EEPD1: variants seen among roughly 807,000 people sequenced by gnomAD.
EEPD1 encodes endonuclease/exonuclease/phosphatase family domain containing 1, also known as endonuclease/exonuclease/phosphatase family domain-containing protein 1.
In EEPD1, 17 loss-of-function variants were observed where a neutral mutation model predicts 46.3. That is an observed-to-expected ratio of 0.37 (90% CI 0.25 to 0.55). The LOEUF is 0.55. Ranked by LOEUF, EEPD1 falls within the 20% of genes least tolerant of loss-of-function variation. The pLI is 0.83. For missense variants in EEPD1, 673 were observed against 745.6 expected, an observed-to-expected ratio of 0.90 and a Z score of 1.13; for synonymous variants, 313 against 315.6, an observed-to-expected ratio of 0.99 and a Z score of 0.09.
At chr7:36,219,806 A>ATTGTGT (rs1786111669) in intron 2 of EEPD1, among the ~76,000 whole-genome samples, 1 of 75,400 alleles carries the variant, frequency 1.3e-5, no homozygotes, top group African/African-American at 4.6e-5. Flanking sequence ...AGAGAGAGAG[A>ATTGTGT]GTGTGTGTGT....
At chr7:36,251,705 G>A (rs1786741785) in intron 3 of EEPD1, among the ~76,000 whole-genome samples, 1 of 152,126 alleles carries the variant, frequency 6.6e-6, no homozygotes, top group South Asian at 2.1e-4. Context: ...CCTGGCCCCT[G>A]TCCCAGTTCA....
chr7:36,226,749 A>G (rs1324755599), intron 2 of EEPD1, among the ~76,000 whole-genome samples: 1 of 152,216 alleles, frequency 6.6e-6, no homozygotes, highest in Non-Finnish European at 1.5e-5. Flanking sequence ...CAAGAGGTCA[A>G]CACTACAACT....
chr7:36,280,619 G>T (rs1200370748), intron 3 of EEPD1, among the ~76,000 whole-genome samples: 3 of 152,190 alleles, frequency 2.0e-5, no homozygotes, highest in Admixed American at 1.3e-4. Flanking sequence ...GCAGCTCTCC[G>T]CAGCAAGAGG....
chr7:36,271,721 A>G lies in EEPD1; in HGVS notation c.931-9394A>G, dbSNP rs111851635. ...CCTGAATGGTATTGCCTAGGTTTTC[A>G]TGGTTTTAGGTTTTACATTTAAGTC... On this transcript the variant is annotated intron_variant, in intron 3 of 7. Transcript: ENST00000242108. 1.1e-4 allele frequency among the ~76,000 whole-genome samples: 2 copies of G among 18,296 alleles called. 1 individual carries two copies. Among genetic ancestry groups the G allele is most frequent in the Admixed American group, 9.3e-4 (2 of 2,146 alleles). 12.0% of individuals were successfully genotyped at this position (18,296 alleles called of 152,430 possible). A position where few individuals can be genotyped will look rare whatever the true frequency, so the allele number is the denominator to read the frequency against.
intron 2 of EEPD1, among the ~76,000 whole-genome samples, chr7:36,184,721 T>G (rs1833180): frequency 6.6e-6 from 1 of 151,914 alleles, no homozygotes; most frequent in Admixed American, 6.5e-5. Flanking sequence ...AATATAAGGA[T>G]TTTTTTTTAA....
intron 3 of EEPD1, among the ~76,000 whole-genome samples, chr7:36,249,472 T>A (rs1220168442): frequency 6.6e-6 from 1 of 152,152 alleles, no homozygotes; most frequent in East Asian, 1.9e-4. Flanking sequence ...CGCTATGGCA[T>A]GCTTTATAAC....
intron 6 of EEPD1, among the ~76,000 whole-genome samples, chr7:36,289,786 G>A (rs775163609): frequency 4.6e-5 from 7 of 152,188 alleles, no homozygotes; most frequent in East Asian, 1.9e-4. Flanking sequence ...GAGCCACAGC[G>A]CCTGGCCAGA....
At chr7:36,213,025 C>G (rs562963863) in intron 2 of EEPD1, among the ~76,000 whole-genome samples, 1 of 152,084 alleles carries the variant, frequency 6.6e-6, no homozygotes, top group Non-Finnish European at 1.5e-5. Flanking sequence ...TGGTGGCATA[C>G]GCCTGTAATC....
At chr7:36,159,431 A>G (rs1271321887) in intron 2 of EEPD1, among the ~76,000 whole-genome samples, 1 of 152,230 alleles carries the variant, frequency 6.6e-6, no homozygotes, top group East Asian at 1.9e-4. Context: ...CAATCCTCTT[A>G]AAGTAGAAAT....
intron 3 of EEPD1, among the ~76,000 whole-genome samples, chr7:36,264,045 G>A (rs1318322156): frequency 1.3e-5 from 2 of 152,102 alleles, no homozygotes; most frequent in Admixed American, 1.3e-4. Flanking sequence ...TGTTTGTGGG[G>A]GAGAGACTTT....
At chr7:36,232,451 G>A (rs979301801) in intron 2 of EEPD1, among the ~76,000 whole-genome samples, 8 of 151,778 alleles carry the variant, frequency 5.3e-5, no homozygotes, top group Non-Finnish European at 8.8e-5. Context: ...TGATCCACCC[G>A]CCTCGGCCTC....
intron 2 of EEPD1, among the ~76,000 whole-genome samples, chr7:36,202,424 G>T (rs1323953684): frequency 6.6e-6 from 1 of 152,082 alleles, no homozygotes; most frequent in African/African-American, 2.4e-5. Flanking sequence ...GCTAGCCGGG[G>T]TGAAGCATGC....
Position 36,154,818 on chromosome 7 carries a change from G to A in EEPD1, c.494G>A (p.Arg165His), listed in dbSNP as rs1198940132. The change falls in exon 2 of 8, where the codon CGC becomes CAC. Residue 165 changes from arginine (R) to histidine (H), a missense_variant. Arg to His is a conservative substitution (Grantham distance 29). Transcript: ENST00000242108. The surrounding 1 kb of genome is among the most constrained non-coding windows in gnomAD (Gnocchi z 4.2). ...ATGGCCCTCAGCATCGTGGACTTCC[G>A]CCGTGAGCATGGGCCCTTTCGCAGC... The part of the protein sequence containing the change: ...EKMALSIVDF[R>H]REHGPFRSVE... 1 of 1,614,186 alleles carries A rather than the reference G, an allele frequency of 6.2e-7. No homozygotes were observed.
rs145983788 is a variant in EEPD1 at position 36,240,550 on chromosome 7, T to C, written c.930+1514T>C. On this transcript the variant is annotated intron_variant, in intron 3 of 7. Transcript: ENST00000242108. ...CTCATTATTAATTCTTAATTACTTA[T>C]ATTAATTCTTAATATGCATTCAGCC... 4.6e-5 allele frequency among the ~76,000 whole-genome samples: 7 copies of C among 152,356 alleles called. No individual in the cohort carries two copies. In the East Asian group the frequency reaches 1.3e-3, roughly 29 times the overall value.
In EEPD1 at chr7:36,299,278, G is replaced by A. The variant is rs751889591; in HGVS notation, c.*72G>A. The A allele has an allele frequency of 1.6e-4, 237 of 1,503,710 alleles. No individual in the cohort carries two copies. Among genetic ancestry groups the A allele is most frequent in the African/African-American group, 8.4e-4 (61 of 72,302 alleles). The allele number at this position is 1,503,710 out of a possible 1,614,324, so 93.1% of individuals were successfully genotyped here. On this transcript the variant is annotated 3_prime_UTR_variant, in exon 8 of 8. Coordinates refer to ENST00000242108, the MANE Select transcript of EEPD1 (RefSeq NM_030636.3). ...CAAGGAATGAGCCCTGTGGGGTGACGCTTCAGGGCAGAGCTGCCTTTTAAT... is the reference window on the plus strand; with the variant it reads ...CAAGGAATGAGCCCTGTGGGGTGACACTTCAGGGCAGAGCTGCCTTTTAAT...
At chr7:36,255,780 C>T (rs1363478012) in intron 3 of EEPD1, among the ~76,000 whole-genome samples, 2 of 152,136 alleles carry the variant, frequency 1.3e-5, no homozygotes, top group Non-Finnish European at 2.9e-5. Context: ...AAACCAGCTC[C>T]TGGATTCATT....
intron 2 of EEPD1, among the ~76,000 whole-genome samples, chr7:36,176,685 A>G (rs1285946637): frequency 6.6e-6 from 1 of 152,226 alleles, no homozygotes; most frequent in African/African-American, 2.4e-5. Flanking sequence ...AGAAACATCT[A>G]TAATTAAAAA....
chr7:36,268,220 C>T (rs148631505), intron 3 of EEPD1, among the ~76,000 whole-genome samples: 3,836 of 151,660 alleles, frequency 0.025, 167 homozygotes, highest in African/African-American at 0.087. Flanking sequence ...GGTGTGATCT[C>T]GGCTCACTGC....
At chr7:36,197,504 G>C (rs1785627037) in intron 2 of EEPD1, among the ~76,000 whole-genome samples, 1 of 152,310 alleles carries the variant, frequency 6.6e-6, no homozygotes, top group African/African-American at 2.4e-5. Flanking sequence ...TTGAGAAATT[G>C]GATGGTTGCC....
Sources: allele counts gnomAD v4.1 joint callset (sites outside exome capture counted in the v4.1 genomes callset), GRCh38; gene constraint gnomAD v4.1.1; non-coding constraint Gnocchi (gnomAD v3.1); transcripts MANE v1.5; gene names NCBI Gene and HGNC (gene_info 2026-07-23, HGNC 2026-07-21).